Variants in GCNT1 observed in about 807,000 individuals in gnomAD.
GCNT1 encodes the protein glucosaminyl (N-acetyl) transferase 1.
GCNT1 carries 16 observed loss-of-function variants against 26.2 expected under a neutral mutation model. That is an observed-to-expected ratio of 0.61 (90% CI 0.41 to 0.93). GCNT1 has a LOEUF of 0.93. Among genes scored for constraint, GCNT1 ranks in the 40% least tolerant of loss-of-function variants. The pLI is 0.00. For synonymous variants in GCNT1, 183 were observed against 190.8 expected, an observed-to-expected ratio of 0.96 and a Z score of 0.34; for missense variants, 477 against 526.7, an observed-to-expected ratio of 0.91 and a Z score of 0.92.
chr9:76,439,045 C>A (rs1054409058), upstream of GCNT1, among the ~76,000 whole-genome samples: 1 of 152,034 alleles, frequency 6.6e-6, no homozygotes, highest in Non-Finnish European at 1.5e-5. Flanking sequence ...AAGAACAGAC[C>A]ATGATAAAAC....
upstream of GCNT1, among the ~76,000 whole-genome samples, chr9:76,458,524 C>T (rs1390050745): frequency 6.6e-6 from 1 of 152,126 alleles, no homozygotes; most frequent in Non-Finnish European, 1.5e-5. Flanking sequence ...AGACCTCGTT[C>T]TGTTTTCTAG....
the GCNT1 span, among the ~76,000 whole-genome samples, chr9:76,401,227 A>G: frequency 6.6e-6 from 1 of 152,252 alleles, no homozygotes; most frequent in East Asian, 1.9e-4. Flanking sequence ...CCAATATAGA[A>G]AATAAATAAT....
the GCNT1 span, among the ~76,000 whole-genome samples, chr9:76,394,755 C>G: frequency 1.3e-5 from 2 of 152,204 alleles, no homozygotes; most frequent in Non-Finnish European, 2.9e-5. Context: ...TCTCCTTCCT[C>G]CTGTTCATAA....
chr9:76,438,183 T>A (rs1350285645), upstream of GCNT1, among the ~76,000 whole-genome samples: 1 of 152,262 alleles, frequency 6.6e-6, no homozygotes, highest in African/African-American at 2.4e-5. Context: ...TACATCTTGC[T>A]TTTATACATT....
intron 2 of GCNT1, among the ~76,000 whole-genome samples, chr9:76,476,183 G>A (rs1243429187): frequency 2.0e-5 from 3 of 152,120 alleles, no homozygotes; most frequent in Non-Finnish European, 2.9e-5. Flanking sequence ...TCTAGAATTT[G>A]GGAACTAGCA....
At chr9:76,428,265 CAAAA>C (rs869195487) in intron 1 of GCNT1, among the ~76,000 whole-genome samples, 1,098 of 29,656 alleles carry the variant, frequency 0.037, 7 homozygotes, top group African/African-American at 0.11. Context: ...GACTCCGTCT[CAAAA>C]AAAAAAAAAA....
the GCNT1 span, among the ~76,000 whole-genome samples, chr9:76,412,130 A>G: frequency 6.6e-6 from 1 of 152,236 alleles, no homozygotes; most frequent in Non-Finnish European, 1.5e-5. Flanking sequence ...CTTTATAATA[A>G]CAAAATATTT....
At chr9:76,423,176 G>C in intron 1 of GCNT1, among the ~76,000 whole-genome samples, 1 of 152,126 alleles carries the variant, frequency 6.6e-6, no homozygotes, top group East Asian at 1.9e-4. Flanking sequence ...CTTGCCATTA[G>C]GCATCATGTT....
chr9:76,478,905 T>C (rs785935), intron 2 of GCNT1, among the ~76,000 whole-genome samples: 142,107 of 152,278 alleles, frequency 0.93, 66,369 homozygotes, highest in East Asian at 1. Flanking sequence ...ATGTGCACAA[T>C]GTGCAGGTTT....
chr9:76,400,487 T>G, the GCNT1 span, among the ~76,000 whole-genome samples: 14 of 152,222 alleles, frequency 9.2e-5, no homozygotes. Flanking sequence ...AATGCCAATC[T>G]GATCAAATCA....
chr9:76,436,405 T>C (rs1273675615), intron 1 of GCNT1, among the ~76,000 whole-genome samples: 1 of 151,636 alleles, frequency 6.6e-6, no homozygotes, highest in East Asian at 2.0e-4. Context: ...CTGGCCAACA[T>C]GGTGAAAGCC....
intron 2 of GCNT1, among the ~76,000 whole-genome samples, chr9:76,497,637 T>C (rs1465093183): frequency 6.6e-6 from 1 of 152,198 alleles, no homozygotes; most frequent in Non-Finnish European, 1.5e-5. Context: ...TATGCCTTTT[T>C]TGAGGTGAGA....
exon 1 of GCNT1, chr9:76,441,774 T>G (rs946582319): frequency 6.6e-6 from 1 of 152,300 alleles, no homozygotes; most frequent in Non-Finnish European, 1.5e-5. Flanking sequence ...TCTTTGAGGT[T>G]TCCTGGGACC....
intron 1 of GCNT1, among the ~76,000 whole-genome samples, chr9:76,426,628 G>A (rs978804896): frequency 1.3e-5 from 2 of 152,084 alleles, no homozygotes; most frequent in African/African-American, 4.8e-5. Context: ...TGGGAGTGGT[G>A]GTTCACGCCT....
chr9:76,434,825 A>G (rs1334090604), intron 1 of GCNT1, among the ~76,000 whole-genome samples: 1 of 152,176 alleles, frequency 6.6e-6, no homozygotes. Flanking sequence ...AAAGAATTGC[A>G]TTCCTGGGGA....
chr9:76,499,726 CAG>C (rs759547074), intron 2 of GCNT1, among the ~76,000 whole-genome samples: 8 of 152,144 alleles, frequency 5.3e-5, no homozygotes, highest in Non-Finnish European at 1.0e-4. Flanking sequence ...ACAGAAAGTA[CAG>C]AGAGTTTCCA....
At chr9:76,431,513 A>G (rs1056185197) in intron 1 of GCNT1, among the ~76,000 whole-genome samples, 2 of 152,222 alleles carry the variant, frequency 1.3e-5, no homozygotes, top group Non-Finnish European at 2.9e-5. Context: ...TCTTGAAATC[A>G]GGAAACATCA....
At chr9:76,409,287 T>C in the GCNT1 span, among the ~76,000 whole-genome samples, 7 of 152,348 alleles carry the variant, frequency 4.6e-5, no homozygotes, top group East Asian at 9.6e-4. Context: ...TTTGTAGTGA[T>C]GTCCCCTCTC....
chr9:76,435,384 T>A (rs1172645339), intron 1 of GCNT1, among the ~76,000 whole-genome samples: 3 of 152,156 alleles, frequency 2.0e-5, no homozygotes, highest in Non-Finnish European at 4.4e-5. Flanking sequence ...TTGGGACCAG[T>A]TCCCCCACTG....
Sources: allele counts gnomAD v4.1 joint callset (sites outside exome capture counted in the v4.1 genomes callset), GRCh38; gene constraint gnomAD v4.1.1; transcripts MANE v1.5; gene names NCBI Gene and HGNC (gene_info 2026-07-23, HGNC 2026-07-21).